Variants in ZNF423 observed in about 807,000 individuals in gnomAD.
ZNF423 encodes zinc finger protein 423, also known as Ebf-associated zinc finger protein.
ZNF423 carries 12 observed loss-of-function variants against 95.8 expected under a neutral mutation model. The observed-to-expected ratio is 0.13, with a 90% CI of 0.08 to 0.20. ZNF423 has a LOEUF of 0.20. Ranked by LOEUF, ZNF423 falls within the 10% of genes least tolerant of loss-of-function variation. The pLI is 1.00. For missense variants in ZNF423, 1,316 were observed against 1,737.1 expected (o/e 0.76, Z 4.31); for synonymous variants, 749 against 711.9 (o/e 1.05, Z -0.83).
intron 5 of ZNF423, among the ~76,000 whole-genome samples, chr16:49,561,616 CT>C (rs938650500): frequency 1.3e-5 from 2 of 152,046 alleles, no homozygotes; most frequent in African/African-American, 2.4e-5. Context: ...AAATTGATTC[CT>C]TTTTTTGCCA....
chr16:49,808,111 G>A (rs780681999), intron 1 of ZNF423, among the ~76,000 whole-genome samples: 39 of 151,866 alleles, frequency 2.6e-4, no homozygotes, highest in Admixed American at 2.6e-4. Flanking sequence ...ACCAAGGCTG[G>A]AGTGCAGTGG....
intron 2 of ZNF423, among the ~76,000 whole-genome samples, chr16:49,754,900 A>C (rs982716108): frequency 1.3e-5 from 2 of 152,240 alleles, no homozygotes; most frequent in African/African-American, 4.8e-5. Context: ...CCTGCAGACA[A>C]TTGGAACTTG....
At chr16:49,495,670 A>G (rs1411964346) in intron 7 of ZNF423, among the ~76,000 whole-genome samples, 1 of 152,178 alleles carries the variant, frequency 6.6e-6, no homozygotes, top group Non-Finnish European at 1.5e-5. Context: ...TGGTGGCTAC[A>G]CTGTCCTTCC....
intron 3 of ZNF423, among the ~76,000 whole-genome samples, chr16:49,687,672 C>G (rs2031616544): frequency 6.6e-6 from 1 of 152,202 alleles, no homozygotes; most frequent in African/African-American, 2.4e-5. Context: ...CCTTTAATTA[C>G]TGCCTGCATC....
chr16:49,637,040 C>T lies in ZNF423; in HGVS notation c.2136G>A (p.Val712=). The T allele has an allele frequency of 6.2e-7, 1 of 1,613,932 alleles. No homozygotes were observed. Among genetic ancestry groups the T allele is most frequent in the Non-Finnish European group, 8.5e-7 (1 of 1,180,030 alleles). ...CCAGCAGGTGCTTCTGCAGGTCATC[C>T]ACCGAGGAAAATTGCTTGTCGCAGC... is the stretch of plus-strand genomic sequence containing the variant. ...CESCDKQFSS[V]DDLQKHLLDM... Residue 712 remains valine (V), a synonymous_variant, in exon 4 of 8, where the codon GTG becomes GTA. Coordinates refer to ENST00000563137, the MANE Select transcript of ZNF423 (RefSeq NM_001379286.1). The surrounding 1 kb of genome is among the most constrained non-coding windows in gnomAD (Gnocchi z 5.6).
intron 7 of ZNF423, among the ~76,000 whole-genome samples, chr16:49,515,740 T>C (rs1000291544): frequency 3.9e-5 from 6 of 152,206 alleles, no homozygotes; most frequent in African/African-American, 1.4e-4. Context: ...AAGCCGCATA[T>C]GACCCTCATG....
At chr16:49,516,068 G>A (rs1968128923) in intron 7 of ZNF423, among the ~76,000 whole-genome samples, 1 of 152,218 alleles carries the variant, frequency 6.6e-6, no homozygotes, top group African/African-American at 2.4e-5. Flanking sequence ...ACGTGGCTCA[G>A]AAATAGAGGG....
rs1251542451 is a variant in ZNF423 at position 49,736,096 on chromosome 16, T to C, written c.101-5125A>G. 2.0e-5 allele frequency among the ~76,000 whole-genome samples: 3 copies of C among 152,082 alleles called. No individual in the cohort carries two copies. The East Asian group carries it at 5.8e-4, about 29-fold the overall frequency. On this transcript the variant is annotated intron_variant, in intron 2 of 7. Transcript: ENST00000563137. ...ATACAGAGGGACATATAGTAGGGGC[T>C]CAATAAATGTTGAATGAATGGATGA...
chr16:49,590,421 C>G (rs954346523), intron 5 of ZNF423, among the ~76,000 whole-genome samples: 1 of 152,084 alleles, frequency 6.6e-6, no homozygotes, highest in Admixed American at 6.5e-5. Flanking sequence ...ACGGCTGCTT[C>G]GGGGGGCAAG....
chr16:49,735,404 A>G (rs1335369239), intron 2 of ZNF423, among the ~76,000 whole-genome samples: 2 of 152,064 alleles, frequency 1.3e-5, no homozygotes, highest in African/African-American at 2.4e-5. Flanking sequence ...TTGTGGGCTA[A>G]TTTGTCTACT....
intron 2 of ZNF423, among the ~76,000 whole-genome samples, chr16:49,740,376 T>G (rs190196447): frequency 1.3e-5 from 2 of 152,058 alleles, no homozygotes; most frequent in African/African-American, 2.4e-5. Flanking sequence ...CCGGGAGGGG[T>G]GTGGCCAGGG....
At chr16:49,772,250 A>G (rs1567336121) in intron 2 of ZNF423, among the ~76,000 whole-genome samples, 1 of 152,212 alleles carries the variant, frequency 6.6e-6, no homozygotes, top group Non-Finnish European at 1.5e-5. Flanking sequence ...TCAAACAAAG[A>G]GAACAAATTC....
chr16:49,803,480 G>C (rs1039264830), intron 1 of ZNF423, among the ~76,000 whole-genome samples: 4 of 152,102 alleles, frequency 2.6e-5, no homozygotes, highest in African/African-American at 9.7e-5. Context: ...AGGACAAAGA[G>C]TGTACCCATT....
At chr16:49,538,226 A>G (rs1486016439) in intron 5 of ZNF423, among the ~76,000 whole-genome samples, 1 of 152,026 alleles carries the variant, frequency 6.6e-6, no homozygotes, top group Non-Finnish European at 1.5e-5. Flanking sequence ...ACAGCCTCCA[A>G]CTCTCCAGCG....
At chr16:49,577,858 C>A (rs902635259) in intron 5 of ZNF423, among the ~76,000 whole-genome samples, 7 of 152,188 alleles carry the variant, frequency 4.6e-5, no homozygotes, top group African/African-American at 1.7e-4. Context: ...TTCCTATTTG[C>A]CAGCGATAGA....
intron 3 of ZNF423, among the ~76,000 whole-genome samples, chr16:49,715,843 A>G (rs2032688679): frequency 6.6e-6 from 1 of 151,914 alleles, no homozygotes; most frequent in East Asian, 1.9e-4. Flanking sequence ...TTCAAGACCA[A>G]CCTGGGCAGC....
intron 2 of ZNF423, among the ~76,000 whole-genome samples, chr16:49,755,253 G>C (rs2033704758): frequency 1.3e-5 from 2 of 152,172 alleles, no homozygotes; most frequent in Non-Finnish European, 2.9e-5. Context: ...GGAAAAGAGG[G>C]CACAGCCCCC....
intron 3 of ZNF423, among the ~76,000 whole-genome samples, chr16:49,658,570 GC>G (rs1202131408): frequency 6.6e-6 from 1 of 152,240 alleles, no homozygotes; most frequent in Non-Finnish European, 1.5e-5. Context: ...CCCCAGCCCT[GC>G]CCGTGATGGG....
At chr16:49,767,108 C>G (rs1343650694) in intron 2 of ZNF423, among the ~76,000 whole-genome samples, 1 of 152,032 alleles carries the variant, frequency 6.6e-6, no homozygotes, top group Non-Finnish European at 1.5e-5. Flanking sequence ...GTGTGCCACT[C>G]GTGCACAGAT....
Sources: allele counts gnomAD v4.1 joint callset (sites outside exome capture counted in the v4.1 genomes callset), GRCh38; gene constraint gnomAD v4.1.1; non-coding constraint Gnocchi (gnomAD v3.1); transcripts MANE v1.5; gene names NCBI Gene and HGNC (gene_info 2026-07-23, HGNC 2026-07-21).